MTCH2: variants seen among roughly 807,000 people sequenced by gnomAD.
The protein encoded by MTCH2 is mitochondrial carrier 2, also known as mitochondrial carrier homolog 2.
Under a neutral mutation model 50.6 loss-of-function variants are expected in MTCH2, and 25 were observed. That is an observed-to-expected ratio of 0.49 (90% CI 0.36 to 0.69). The LOEUF is 0.69. Ranked by LOEUF, MTCH2 falls within the 30% of genes least tolerant of loss-of-function variation. MTCH2 has a pLI of 0.00. For synonymous variants in MTCH2, 106 were observed against 132.0 expected (o/e 0.80, Z 1.35); for missense variants, 273 against 384.4 (o/e 0.71, Z 2.42).
At chr11:47,642,347 C>CG in intron 1 of MTCH2, 32 bp downstream of exon 1, 1 of 1,423,342 alleles carries the variant, frequency 7.0e-7, no homozygotes, top group Non-Finnish European at 9.2e-7. Flanking sequence ...AACGGGGCGC[C>CG]GGGCGGGGTA....
chr11:47,625,668 G>A lies in MTCH2; in HGVS notation c.749+6C>T, dbSNP rs1184513035. ...CCTACTAGAATAAGAAATACAAAGT[G>A]CTTACCCACAGTTGTTGACAGCCAT... On this transcript the variant is annotated splice_donor_region_variant and intron_variant, in intron 11 of 12. Coordinates refer to ENST00000302503, the MANE Select transcript of MTCH2 (RefSeq NM_014342.4). 3.1e-6 allele frequency: 5 copies of A among 1,605,634 alleles called. No homozygotes were observed. The highest frequency in any genetic ancestry group is 4.3e-6 in the Non-Finnish European group (5 of 1,172,532).
At chr11:47,610,744 C>G in the MTCH2 span, among the ~76,000 whole-genome samples, 2 of 152,032 alleles carry the variant, frequency 1.3e-5, no homozygotes, top group Admixed American at 6.6e-5. Flanking sequence ...ACTTTGCATT[C>G]TAGACATGAG....
chr11:47,639,886 T>C (rs1193779105), intron 1 of MTCH2, among the ~76,000 whole-genome samples: 1 of 152,034 alleles, frequency 6.6e-6, no homozygotes, highest in African/African-American at 2.4e-5. Context: ...AGGCTGTCAT[T>C]AACAGCTAAT....
At chr11:47,631,232 A>G (rs946766751) in intron 6 of MTCH2, 145 bp from the exon 7 acceptor site, 7 of 609,246 alleles carry the variant, frequency 1.1e-5, no homozygotes, top group Non-Finnish European at 2.0e-5. Flanking sequence ...AATATGATGA[A>G]GCCCCATCTC....
intron 11 of MTCH2, among the ~76,000 whole-genome samples, chr11:47,624,807 G>T (rs1160509657): frequency 1.3e-5 from 2 of 152,158 alleles, no homozygotes; most frequent in African/African-American, 4.8e-5. Flanking sequence ...ATAAAAATAG[G>T]CCAGGTGCAG....
intron 5 of MTCH2, among the ~76,000 whole-genome samples, chr11:47,633,526 A>ATTT (rs869251946): frequency 1.4e-4 from 5 of 35,072 alleles, no homozygotes; most frequent in African/African-American, 4.1e-4. Context: ...ATATATATAT[A>ATTT]TTTTTTTTTT....
At chr11:47,607,460 G>A in the MTCH2 span, among the ~76,000 whole-genome samples, 12 of 152,214 alleles carry the variant, frequency 7.9e-5, no homozygotes, top group Admixed American at 7.9e-4. Flanking sequence ...GCGGAGGACA[G>A]GAAACAGAAC....
intron 5 of MTCH2, among the ~76,000 whole-genome samples, chr11:47,633,475 T>C (rs1231520870): frequency 7.1e-6 from 1 of 140,734 alleles, no homozygotes; most frequent in Non-Finnish European, 1.5e-5. Flanking sequence ...ATTTATCTGG[T>C]TTCCAGACCT....
At chr11:47,605,407 T>C in the MTCH2 span, among the ~76,000 whole-genome samples, 1 of 152,148 alleles carries the variant, frequency 6.6e-6, no homozygotes, top group Non-Finnish European at 1.5e-5. Context: ...CTATATCCTA[T>C]GCTTATGCAG....
intron 11 of MTCH2, among the ~76,000 whole-genome samples, chr11:47,623,912 G>T (rs1421178078): frequency 6.6e-6 from 1 of 152,054 alleles, no homozygotes; most frequent in Admixed American, 6.6e-5. Flanking sequence ...ATTAGCCGGG[G>T]GTGGTGGCAA....
At chr11:47,638,545 C>CAAAAAAAAA (rs59317101) in intron 3 of MTCH2, among the ~76,000 whole-genome samples, 154 bp downstream of exon 3, 1 of 53,080 alleles carries the variant, frequency 1.9e-5, no homozygotes. Context: ...GACTCCATCT[C>CAAAAAAAAA]AAAAAAAAAA....
At chr11:47,634,610 C>G in intron 5 of MTCH2, 62 bp downstream of exon 5, 1 of 1,271,468 alleles carries the variant, frequency 7.9e-7, no homozygotes, top group Non-Finnish European at 1.1e-6. Context: ...GATTCTGATT[C>G]CATAGTTGCA....
At chr11:47,629,276 G>A (rs983511627) in intron 8 of MTCH2, 4 of 488,816 alleles carry the variant, frequency 8.2e-6, no homozygotes, top group African/African-American at 5.9e-5. Context: ...AATGCAGGTC[G>A]GCTATACCCT....
intron 2 of MTCH2, 41 bp from the exon 3 acceptor site, chr11:47,638,846 G>A: frequency 6.4e-7 from 1 of 1,554,604 alleles, no homozygotes; most frequent in South Asian, 1.1e-5. Context: ...TTCTGGTCAA[G>A]AGAAATGGAT....
chr11:47,616,640 C>T (rs1279555028), downstream of MTCH2, among the ~76,000 whole-genome samples: 1 of 151,210 alleles, frequency 6.6e-6, no homozygotes, highest in African/African-American at 2.4e-5. Flanking sequence ...GTTCATATTA[C>T]TTACTGAGTT....
intron 12 of MTCH2, among the ~76,000 whole-genome samples, chr11:47,620,536 C>T (rs2097292359): frequency 1.3e-5 from 2 of 151,936 alleles, no homozygotes; most frequent in Non-Finnish European, 2.9e-5. Flanking sequence ...TGCCTGTAGT[C>T]CTAGCTACTT....
chr11:47,614,745 T>C (rs756940845), downstream of MTCH2, among the ~76,000 whole-genome samples: 2 of 152,190 alleles, frequency 1.3e-5, no homozygotes, highest in South Asian at 2.1e-4. Flanking sequence ...CCATACCTAA[T>C]TTTTGTAATT....
At chr11:47,627,751 A>G (rs2097299415) in intron 9 of MTCH2, among the ~76,000 whole-genome samples, 1 of 151,614 alleles carries the variant, frequency 6.6e-6, no homozygotes, top group South Asian at 2.1e-4. Flanking sequence ...TCAGCCTCCC[A>G]AAGTGTTGGG....
At chr11:47,631,783 G>A (rs1393300015) in intron 5 of MTCH2, 72 bp from the exon 6 acceptor site, 2 of 1,494,976 alleles carry the variant, frequency 1.3e-6, no homozygotes, top group East Asian at 2.3e-5. Context: ...AGGAATGTGG[G>A]TGGATATCGT....
Sources: allele counts gnomAD v4.1 joint callset (sites outside exome capture counted in the v4.1 genomes callset), GRCh38; gene constraint gnomAD v4.1.1; transcripts MANE v1.5; gene names NCBI Gene and HGNC (gene_info 2026-07-23, HGNC 2026-07-21).